The following CEMIP variants were observed in gnomAD, a reference collection of about 807,000 sequenced individuals.
The protein encoded by CEMIP is cell migration-inducing and hyaluronan-binding protein.
In CEMIP, 105 loss-of-function variants were observed where a neutral mutation model predicts 156.9. The observed-to-expected ratio is 0.67, with a 90% CI of 0.57 to 0.79. The LOEUF (loss-of-function observed/expected upper bound fraction) is 0.79. Ranked by LOEUF, CEMIP falls within the 30% of genes least tolerant of loss-of-function variation. The pLI, the probability that CEMIP is intolerant of heterozygous loss-of-function variation, is 0.00. For missense variants in CEMIP, 1,457 were observed against 1,769.4 expected (o/e 0.82, Z 3.17); for synonymous variants, 676 against 668.4 (o/e 1.01, Z -0.17).
intron 14 of CEMIP, among the ~76,000 whole-genome samples, chr15:80,912,196 G>T (rs935884382): frequency 4.6e-5 from 7 of 152,336 alleles, no homozygotes; most frequent in African/African-American, 1.7e-4. Context: ...GGGAGTGAGA[G>T]ATGCGTGGGG....
chr15:80,829,890 C>G (rs1596117365), intron 1 of CEMIP, among the ~76,000 whole-genome samples: 2 of 152,062 alleles, frequency 1.3e-5, no homozygotes, highest in East Asian at 3.9e-4. Context: ...CTGTGCAAAT[C>G]TCTTCTCACA....
intron 10 of CEMIP, among the ~76,000 whole-genome samples, chr15:80,893,133 G>A (rs1488821897): frequency 1.3e-5 from 2 of 152,086 alleles, no homozygotes; most frequent in East Asian, 3.8e-4. Flanking sequence ...AGTGAGCTGA[G>A]GTGGCGCCAT....
intron 1 of CEMIP, among the ~76,000 whole-genome samples, chr15:80,867,560 C>T (rs553607130): frequency 5.9e-5 from 9 of 152,288 alleles, no homozygotes; most frequent in African/African-American, 2.2e-4. Flanking sequence ...AGGATGCAGG[C>T]TGGGGTGCCC....
chr15:80,948,376 T>G, intron 29 of CEMIP: 1 of 308,102 alleles, frequency 3.2e-6, no homozygotes, highest in Non-Finnish European at 6.5e-6. Flanking sequence ...AGTGATAGAG[T>G]GGGGAAGGAG....
At chr15:80,925,830 G>A (rs1900642420) in intron 19 of CEMIP, 75 bp downstream of exon 19, 1 of 1,556,352 alleles carries the variant, frequency 6.4e-7, no homozygotes, top group Admixed American at 1.8e-5. Context: ...ACAGAGACAG[G>A]AGAGCAAAGC....
chr15:80,947,452 T>C lies in CEMIP; in HGVS notation c.3958+387T>C, dbSNP rs532163317. 2.7e-5 allele frequency: 7 copies of C among 260,996 alleles called. No homozygotes were observed. In the East Asian group the frequency reaches 6.3e-4, roughly 24 times the overall value. The allele number at this position is 260,996 out of a possible 1,614,324, so 16.2% of individuals were successfully genotyped here. A position where few individuals can be genotyped will look rare whatever the true frequency, so the allele number is the denominator to read the frequency against. On this transcript the variant is annotated intron_variant, in intron 29 of 29. Transcript: ENST00000394685. ...CCTGCATCTTCTTCAACATTCTAGCTGATGCCTAGCGTTTGTACAGTCCTT... is the reference window on the plus strand; with the variant it reads ...CCTGCATCTTCTTCAACATTCTAGCCGATGCCTAGCGTTTGTACAGTCCTT...
chr15:80,872,557 A>G (rs982825267), intron 1 of CEMIP, among the ~76,000 whole-genome samples: 2 of 152,228 alleles, frequency 1.3e-5, no homozygotes, highest in Non-Finnish European at 2.9e-5. Context: ...TCAGGCGGGC[A>G]TGGTGGCTCA....
rs139801210 is a variant in CEMIP at position 80,850,461 on chromosome 15, T to G, written c.-175-23077T>G. ...CTAGCTAATTTTTTTGTATTTTTAGTAGCGATAGGGTTTCACCATGTTGGC... is the reference window on the plus strand; with the variant it reads ...CTAGCTAATTTTTTTGTATTTTTAGGAGCGATAGGGTTTCACCATGTTGGC... On this transcript the variant is annotated intron_variant, in intron 1 of 29. Coordinates refer to ENST00000394685, the MANE Select transcript of CEMIP (RefSeq NM_001293298.2). Among the ~76,000 whole-genome samples the G allele has an allele frequency of 4.0e-3, 611 of 152,284 alleles. 5 individuals are homozygous for G. Among genetic ancestry groups the G allele is most frequent in the African/African-American group, 0.014 (589 of 41,546 alleles).
At position 80,941,970 on chromosome 15, in the gene CEMIP, T is replaced by C; in HGVS notation, c.3529T>C (p.Cys1177Arg). 6.2e-7 allele frequency: 1 copy of C among 1,614,048 alleles called. No individual in the cohort carries two copies. The highest frequency in any genetic ancestry group is 8.5e-7 in the Non-Finnish European group (1 of 1,179,990). ...LIPKNAGVSDCTATAYPKFTE... is the reference protein window; with the variant it reads ...LIPKNAGVSDRTATAYPKFTE... Reference sequence around the variant, plus strand: ...TCCAAAGAACGCAGGCGTCAGTGACTGCACAGCCACAGCTTACCCCAAGTT... The same window carrying C: ...TCCAAAGAACGCAGGCGTCAGTGACCGCACAGCCACAGCTTACCCCAAGTT... Residue 1177 changes from cysteine to arginine, a missense_variant, in exon 26 of 30, where the codon TGC becomes CGC. Coordinates refer to ENST00000394685, the MANE Select transcript of CEMIP (RefSeq NM_001293298.2).
chr15:80,808,399 T>C (rs903959313), intron 1 of CEMIP, among the ~76,000 whole-genome samples: 1 of 152,166 alleles, frequency 6.6e-6, no homozygotes, highest in Non-Finnish European at 1.5e-5. Flanking sequence ...GCTGGGAATA[T>C]AAACTGGCAT....
At chr15:80,852,586 T>C (rs1897740310) in intron 1 of CEMIP, among the ~76,000 whole-genome samples, 2 of 152,132 alleles carry the variant, frequency 1.3e-5, no homozygotes, top group Non-Finnish European at 2.9e-5. Context: ...TCATCTTCTT[T>C]CATACTGAAA....
chr15:80,898,793 T>A (rs1899337672), intron 12 of CEMIP, among the ~76,000 whole-genome samples: 1 of 152,234 alleles, frequency 6.6e-6, no homozygotes, highest in Non-Finnish European at 1.5e-5. Context: ...AAGGTGTGGA[T>A]GCCATCTCTG....
rs1233443721 is a variant in CEMIP at position 80,881,123 on chromosome 15, A to C, written c.604A>C (p.Ile202Leu). The C allele has an allele frequency of 9.9e-6, 16 of 1,613,946 alleles. 1 individual carries two copies. The highest frequency in any genetic ancestry group is 3.3e-4 in the Middle Eastern group (2 of 6,084). Residue 202 changes from isoleucine (I) to leucine (L), a missense_variant, in exon 6 of 30, where the codon ATC (isoleucine) becomes CTC (leucine). Physicochemically the swap from Ile to Leu is conservative, Grantham distance 5. Around this residue, in one of 5 missense-constraint regions of CEMIP, gnomAD observed 309 missense variants for 340.8 expected, o/e 0.91. Transcript: ENST00000394685. ...CATCGACCCCAAATCAGGCACAGTC[A>C]TCCATTCTGACCGGTAAGGTTTGCC... Reference protein sequence around the residue: ...HVIDPKSGTVIHSDRFDTYRS... With the variant: ...HVIDPKSGTVLHSDRFDTYRS...
At chr15:80,828,298 T>G (rs1053991030) in intron 1 of CEMIP, among the ~76,000 whole-genome samples, 1 of 152,010 alleles carries the variant, frequency 6.6e-6, no homozygotes, top group African/African-American at 2.4e-5. Flanking sequence ...GACTATCACT[T>G]GAACCCAGAA....
chr15:80,905,433 G>A (rs926749953), intron 12 of CEMIP, among the ~76,000 whole-genome samples: 2 of 151,024 alleles, frequency 1.3e-5, no homozygotes, highest in Admixed American at 6.6e-5. Context: ...CAGAATTTGC[G>A]GCTATAAATC....
intron 19 of CEMIP, among the ~76,000 whole-genome samples, chr15:80,926,411 C>G (rs868716848): frequency 6.6e-6 from 1 of 152,188 alleles, no homozygotes; most frequent in Non-Finnish European, 1.5e-5. Context: ...CCTTGTCTGC[C>G]TTTTGTGTTA....
chr15:80,859,577 A>C (rs930036912), intron 1 of CEMIP, among the ~76,000 whole-genome samples: 1 of 152,248 alleles, frequency 6.6e-6, no homozygotes. Flanking sequence ...TCTAGTTCAC[A>C]GTCCACATGC....
intron 28 of CEMIP, among the ~76,000 whole-genome samples, chr15:80,944,153 A>T (rs1171643940): frequency 7.9e-5 from 12 of 152,058 alleles, no homozygotes. Flanking sequence ...GGTGGTGCAC[A>T]CCTGTAGTCC....
At chr15:80,896,450 T>C (rs574458604) in intron 12 of CEMIP, 3 of 453,910 alleles carry the variant, frequency 6.6e-6, no homozygotes, top group African/African-American at 5.9e-5. Flanking sequence ...GTAAGTCACA[T>C]GGTAAAGCAC....
Sources: allele counts gnomAD v4.1 joint callset (sites outside exome capture counted in the v4.1 genomes callset), GRCh38; gene constraint gnomAD v4.1.1; regional missense constraint gnomAD v4.1.1; transcripts MANE v1.5; gene names NCBI Gene and HGNC (gene_info 2026-07-23, HGNC 2026-07-21).